Variants in LRP2 observed in about 807,000 individuals in gnomAD.
LRP2 encodes the protein LDL receptor related protein 2.
In LRP2, 172 loss-of-function variants were observed where a neutral mutation model predicts 531.0. The observed-to-expected ratio is 0.32, with a 90% CI of 0.29 to 0.37. The LOEUF is 0.37. LRP2 is among the 10% of genes least tolerant of loss of function. LRP2 has a pLI of 1.00. For missense variants in LRP2, 5,167 were observed against 5,868.3 expected (o/e 0.88, Z 3.90); for synonymous variants, 1,992 against 2,027.6 (o/e 0.98, Z 0.47).
At chr2:169,143,595 G>C (rs1261841710) in intron 70 of LRP2, among the ~76,000 whole-genome samples, 3 of 152,142 alleles carry the variant, frequency 2.0e-5, no homozygotes, top group African/African-American at 7.2e-5. Flanking sequence ...GCAGTGAGCC[G>C]AGATTGCACC....
Position 169,168,606 on chromosome 2 carries a change from C to A in LRP2, c.11568G>T (p.Pro3856=), listed in dbSNP as rs745949029. 3 of 1,613,964 alleles carry A rather than the reference C, an allele frequency of 1.9e-6. No homozygotes were observed. The Admixed American group carries it at 5.0e-5, about 27-fold the overall frequency. The part of the protein sequence containing the change: ...MFECKNHVCI[P]PYWKCDGDDD... ...CATCGCCATCACATTTCCAATATGGCGGGATACAAACATGGTTTTTGCATT... is the reference window on the plus strand; with the variant it reads ...CATCGCCATCACATTTCCAATATGGAGGGATACAAACATGGTTTTTGCATT... The change falls in exon 61 of 79, where the codon CCG becomes CCT. Residue 3856 remains proline, a synonymous_variant. Coordinates refer to ENST00000649046, the MANE Select transcript of LRP2 (RefSeq NM_004525.3).
At chr2:169,291,070 C>G (rs944355170) in intron 7 of LRP2, 73 bp from the exon 8 acceptor site, 2 of 1,399,430 alleles carry the variant, frequency 1.4e-6, no homozygotes, top group Non-Finnish European at 2.0e-6. Context: ...CAGTGGTTTA[C>G]AGAGGATGTA....
chr2:169,338,388 G>GAAAGAAAGA (rs1685473865), intron 1 of LRP2, among the ~76,000 whole-genome samples: 1 of 122,114 alleles, frequency 8.2e-6, no homozygotes, highest in East Asian at 3.3e-4. Flanking sequence ...AAGAAAGAAA[G>GAAAGAAAGA]AAAGAAAGAA....
intron 67 of LRP2, among the ~76,000 whole-genome samples, chr2:169,152,211 A>T (rs10177799): frequency 0.048 from 7,366 of 152,296 alleles, 248 homozygotes; most frequent in African/African-American, 0.099. Flanking sequence ...TCCCTGGGCC[A>T]CTAGAAGGTC....
Position 169,181,511 on chromosome 2 carries a change from C to T in LRP2, c.10106G>A (p.Gly3369Asp), listed in dbSNP as rs2105294504. 1 of 1,614,102 alleles carries T rather than the reference C, an allele frequency of 6.2e-7. No homozygotes were observed. Among genetic ancestry groups the T allele is most frequent in the Non-Finnish European group, 8.5e-7 (1 of 1,179,978 alleles). ...ATCATTGGTGTAATCAATGGTGATG[C>T]CATTAGGCCACTCTAACTTGGTGGA... The part of the protein sequence containing the change: ...IISTKLEWPN[G>D]ITIDYTNDLL... The change falls in exon 52 of 79, where the codon GGC becomes GAC. Residue 3369 changes from glycine to aspartate, a missense_variant. Physicochemically the swap from Gly to Asp is moderately conservative, Grantham distance 94 (BLOSUM62 -1). Transcript: ENST00000649046.
chr2:169,193,439 A>AAG (rs1193584074), intron 47 of LRP2, among the ~76,000 whole-genome samples: 1 of 150,678 alleles, frequency 6.6e-6, no homozygotes, highest in African/African-American at 2.4e-5. Flanking sequence ...AAAAAAAAAA[A>AAG]AAAAGAAAGA....
intron 62 of LRP2, among the ~76,000 whole-genome samples, chr2:169,164,622 A>G (rs1686716603): frequency 1.3e-5 from 2 of 152,168 alleles, no homozygotes. Flanking sequence ...GCAACCTTGA[A>G]TGTGTCCCTG....
At chr2:169,258,645 T>C (rs1250437505) in intron 17 of LRP2, among the ~76,000 whole-genome samples, 2 of 152,044 alleles carry the variant, frequency 1.3e-5, no homozygotes, top group Admixed American at 1.3e-4. Flanking sequence ...ATTAAGCAAG[T>C]TTTGCTAAGC....
chr2:169,152,830 G>A lies in LRP2; in HGVS notation c.12430C>T (p.Pro4144Ser). ...ACCCAGTCCACTGCTATTCCATCTG[G>A]CTGCATTACGTATTTCAGTTTCAGG... ...VDLKLKYVMQ[P>S]DGIAVDWVGR... The change falls in exon 67 of 79, where the codon CCA becomes TCA. Residue 4144 changes from proline to serine, a missense_variant. Coordinates refer to ENST00000649046, the MANE Select transcript of LRP2 (RefSeq NM_004525.3). 6.2e-7 allele frequency: 1 copy of A among 1,614,016 alleles called. No homozygotes were observed. Among genetic ancestry groups the A allele is most frequent in the Non-Finnish European group, 8.5e-7 (1 of 1,179,928 alleles).
intron 31 of LRP2, among the ~76,000 whole-genome samples, chr2:169,230,290 G>A (rs1689352616): frequency 6.6e-6 from 1 of 152,220 alleles, no homozygotes; most frequent in Non-Finnish European, 1.5e-5. Flanking sequence ...CAATGTCAAC[G>A]AGGATTAGGT....
At chr2:169,137,651 A>G (rs1384484425) in intron 75 of LRP2, among the ~76,000 whole-genome samples, 158 bp from the exon 76 acceptor site, 1 of 147,732 alleles carries the variant, frequency 6.8e-6, no homozygotes, top group African/African-American at 2.5e-5. Flanking sequence ...AGAACTTGCA[A>G]AAAAAAAAAA....
At chr2:169,151,929 CA>C (rs1686153366) in intron 67 of LRP2, among the ~76,000 whole-genome samples, 1 of 152,180 alleles carries the variant, frequency 6.6e-6, no homozygotes, top group Non-Finnish European at 1.5e-5. Flanking sequence ...GAACACCAGC[CA>C]CATTTTTTAA....
chr2:169,298,205 C>G (rs1457892140), intron 4 of LRP2, among the ~76,000 whole-genome samples: 1 of 151,188 alleles, frequency 6.6e-6, no homozygotes, highest in Non-Finnish European at 1.5e-5. Context: ...TCATCATCAT[C>G]ATCATCATCA....
chr2:169,165,208 G>A (rs1040837468), intron 62 of LRP2, among the ~76,000 whole-genome samples: 3 of 152,118 alleles, frequency 2.0e-5, no homozygotes, highest in Admixed American at 6.5e-5. Context: ...CCCAGATAAT[G>A]TCTTTTTGGG....
chr2:169,207,094 T>G lies in LRP2; in HGVS notation c.6626A>C (p.Tyr2209Ser). 3 of 1,613,150 alleles carry G rather than the reference T, an allele frequency of 1.9e-6. No homozygotes were observed. The highest frequency in any genetic ancestry group is 2.5e-6 in the Non-Finnish European group (3 of 1,179,362). Residue 2209 changes from tyrosine to serine, a missense_variant, in exon 39 of 79, where the codon TAT becomes TCT. By Grantham distance (144) the Tyr-to-Ser change is moderately radical. This residue lies in a region of LRP2 where 2,811 missense variants were observed against 3,058.0 expected (regional missense o/e 0.92). Coordinates refer to ENST00000649046, the MANE Select transcript of LRP2 (RefSeq NM_004525.3). ...ACGCTCAATCTTTGGTCTCTGCCCA[T>G]AGTCAGCCCAGAAGAGGTATCTGTT... is the stretch of plus-strand genomic sequence containing the variant. ...PKNRYLFWADYGQRPKIERSF... is the reference protein window; with the variant it reads ...PKNRYLFWADSGQRPKIERSF...
chr2:169,316,702 T>C (rs1201462117), intron 3 of LRP2, among the ~76,000 whole-genome samples: 2 of 152,028 alleles, frequency 1.3e-5, no homozygotes, highest in African/African-American at 2.4e-5. Context: ...AAACACAGAT[T>C]TAAGTCTCAT....
intron 16 of LRP2, among the ~76,000 whole-genome samples, chr2:169,259,642 A>G (rs1252797209): frequency 6.6e-6 from 1 of 151,828 alleles, no homozygotes; most frequent in Non-Finnish European, 1.5e-5. Flanking sequence ...TCATCGCCCA[A>G]CCCTCTCATC....
intron 2 of LRP2, 108 bp downstream of exon 2, chr2:169,320,669 C>A: frequency 1.1e-6 from 1 of 889,320 alleles, no homozygotes; most frequent in Non-Finnish European, 1.9e-6. Context: ...GGGCCCAGAC[C>A]TGGCTCTGTC....
rs1212182895 is a variant in LRP2 at position 169,241,364 on chromosome 2, T to A, written c.3669A>T (p.Pro1223=). The stretch of plus-strand genomic sequence containing the variant: ...AGTGGCACATACCAGGAGGCCTGGT[T>A]GCTAGAAGGAAAACATGGGGTAAAT... The part of the protein sequence containing the change: ...CSDNSDEAGC[P]TRPPGMCHSD... The change falls in exon 25 of 79, where the codon CCA becomes CCT. Residue 1223 remains proline, a splice_region_variant and synonymous_variant. Coordinates refer to ENST00000649046, the MANE Select transcript of LRP2 (RefSeq NM_004525.3). 4 of 1,614,140 alleles carry A rather than the reference T, an allele frequency of 2.5e-6. No homozygotes were observed. Among genetic ancestry groups the A allele is most frequent in the Non-Finnish European group, 3.4e-6 (4 of 1,180,026 alleles).
Sources: allele counts gnomAD v4.1 joint callset (sites outside exome capture counted in the v4.1 genomes callset), GRCh38; gene constraint gnomAD v4.1.1; regional missense constraint gnomAD v4.1.1; transcripts MANE v1.5; gene names NCBI Gene and HGNC (gene_info 2026-07-23, HGNC 2026-07-21).